Variants in EYS observed in about 807,000 individuals in gnomAD.
EYS encodes protein eyes shut homolog.
A neutral mutation model predicts 282.1 loss-of-function variants in EYS; 250 were observed. The observed-to-expected ratio is 0.89, with a 90% CI of 0.80 to 0.98. The LOEUF is 0.98. Among genes scored for constraint, EYS ranks in the 50% least tolerant of loss-of-function variants. EYS has a pLI of 0.00. For synonymous variants in EYS, 1,355 were observed against 1,282.9 expected (o/e 1.06, Z -1.20); for missense variants, 4,016 against 3,709.0 (o/e 1.08, Z -2.15).
At chr6:65,463,986 A>G (rs1764907369) in intron 5 of EYS, among the ~76,000 whole-genome samples, 1 of 152,170 alleles carries the variant, frequency 6.6e-6, no homozygotes, top group Admixed American at 6.6e-5. Flanking sequence ...AATTTCATAC[A>G]AATGTATGAT....
chr6:65,632,747 G>A (rs565297642), intron 2 of EYS, among the ~76,000 whole-genome samples: 1 of 152,188 alleles, frequency 6.6e-6, no homozygotes, highest in East Asian at 1.9e-4. Context: ...ATACCACTAG[G>A]TAAGTTATAT....
At chr6:65,419,803 G>A (rs960961780) in intron 5 of EYS, among the ~76,000 whole-genome samples, 2 of 151,894 alleles carry the variant, frequency 1.3e-5, no homozygotes, top group South Asian at 2.1e-4. Flanking sequence ...AGCTATTGCA[G>A]GTAGGTTTCC....
intron 16 of EYS, among the ~76,000 whole-genome samples, chr6:64,905,417 C>T (rs1014649389): frequency 2.0e-5 from 3 of 152,142 alleles, no homozygotes; most frequent in African/African-American, 7.2e-5. Context: ...ATTCGGTTGG[C>T]CGTACTTTGT....
At chr6:64,798,104 T>G (rs1055275041) in intron 22 of EYS, among the ~76,000 whole-genome samples, 3 of 152,018 alleles carry the variant, frequency 2.0e-5, no homozygotes, top group Middle Eastern at 6.8e-3. Context: ...AGCAGATCAC[T>G]TTTTTTCTAA....
chr6:64,196,047 GA>G (rs542395022), intron 31 of EYS, among the ~76,000 whole-genome samples: 4 of 151,908 alleles, frequency 2.6e-5, no homozygotes, highest in Admixed American at 2.6e-4. Flanking sequence ...AAATTTACAA[GA>G]AAAAAACAAA....
At position 65,515,197 on chromosome 6, in the gene EYS, C is replaced by T. The variant is rs1339866271; in HGVS notation, c.-332-19204G>A. Among the ~76,000 whole-genome samples the T allele has an allele frequency of 2.6e-5, 4 of 151,488 alleles. No homozygotes were observed. In the East Asian group the frequency reaches 7.8e-4, roughly 29 times the overall value. On this transcript the variant is annotated intron_variant, in intron 2 of 42. Coordinates refer to ENST00000503581, the MANE Select transcript of EYS (RefSeq NM_001142800.2). Reference sequence around the variant, plus strand: ...CAAAAAACACATGAAAAAATGCTCACCATCACTGGCCATCAGAGAAATGCA... The same window carrying T: ...CAAAAAACACATGAAAAAATGCTCATCATCACTGGCCATCAGAGAAATGCA...
intron 7 of EYS, among the ~76,000 whole-genome samples, chr6:65,392,193 C>T (rs1442893927): frequency 1.3e-5 from 2 of 151,572 alleles, no homozygotes; most frequent in South Asian, 2.1e-4. Flanking sequence ...AAGACTTAAA[C>T]GTTAGACCTA....
intron 35 of EYS, among the ~76,000 whole-genome samples, chr6:63,922,224 A>G (rs1047326772): frequency 6.6e-6 from 1 of 152,230 alleles, no homozygotes; most frequent in Non-Finnish European, 1.5e-5. Context: ...CAAGCTGGCT[A>G]ATACATTTAG....
At chr6:63,747,832 C>T (rs1394863920) in intron 41 of EYS, among the ~76,000 whole-genome samples, 1 of 152,092 alleles carries the variant, frequency 6.6e-6, no homozygotes, top group Non-Finnish European at 1.5e-5. Context: ...TATTTTGAGC[C>T]TATGTGTGTC....
chr6:64,251,809 A>T (rs1452575371), intron 30 of EYS, among the ~76,000 whole-genome samples: 1 of 152,158 alleles, frequency 6.6e-6, no homozygotes, highest in Admixed American at 6.5e-5. Context: ...GGTTAATGAG[A>T]CCCACAGACA....
chr6:65,689,460 C>A (rs895714909), intron 1 of EYS, among the ~76,000 whole-genome samples: 10 of 149,212 alleles, frequency 6.7e-5, no homozygotes, highest in African/African-American at 1.9e-4. Context: ...ACCAACATGG[C>A]ACATGTATAC....
chr6:64,152,414 G>A (rs1774774044), intron 31 of EYS, among the ~76,000 whole-genome samples: 1 of 152,174 alleles, frequency 6.6e-6, no homozygotes, highest in Non-Finnish European at 1.5e-5. Context: ...ATTTTAAAAT[G>A]TGGTTGCATC....
At chr6:63,996,418 A>G (rs181836796) in intron 34 of EYS, among the ~76,000 whole-genome samples, 1 of 152,268 alleles carries the variant, frequency 6.6e-6, no homozygotes, top group African/African-American at 2.4e-5. Context: ...AGTAATTAGC[A>G]ATAATGTGTA....
intron 26 of EYS, among the ~76,000 whole-genome samples, chr6:64,445,203 A>G (rs560079745): frequency 9.2e-5 from 14 of 152,346 alleles, no homozygotes; most frequent in Admixed American, 7.2e-4. Context: ...ATTTAAATAT[A>G]TAAGTACAGA....
rs532937486 is a variant in EYS, at chr6:64,275,220, A to G, written c.6191+31750T>C. 3.9e-5 allele frequency among the ~76,000 whole-genome samples: 6 copies of G among 152,308 alleles called. No individual in the cohort carries two copies. In the East Asian group the frequency reaches 7.7e-4, roughly 20 times the overall value. ...ATTAAATCTGCATATATTCTTTGAAATAAGTTTGCGATTGGTGCTAACCCG... is the reference window on the plus strand; with the variant it reads ...ATTAAATCTGCATATATTCTTTGAAGTAAGTTTGCGATTGGTGCTAACCCG... On this transcript the variant is annotated intron_variant, in intron 30 of 42. Transcript: ENST00000503581.
chr6:63,964,312 G>C (rs1208549506), intron 35 of EYS, among the ~76,000 whole-genome samples: 1 of 152,118 alleles, frequency 6.6e-6, no homozygotes, highest in African/African-American at 2.4e-5. Flanking sequence ...AGATCTTAAA[G>C]CCTACTGTTA....
chr6:65,208,673 A>G (rs1446421063), intron 12 of EYS, among the ~76,000 whole-genome samples: 1 of 151,902 alleles, frequency 6.6e-6, no homozygotes, highest in East Asian at 1.9e-4. Flanking sequence ...GCTGGAGGCC[A>G]TTATCCTAAA....
intron 5 of EYS, among the ~76,000 whole-genome samples, chr6:65,463,763 GA>G (rs1764900054): frequency 1.3e-5 from 2 of 152,022 alleles, no homozygotes; most frequent in African/African-American, 4.8e-5. Flanking sequence ...TGAACATTGA[GA>G]TATACTTCAA....
At chr6:65,594,981 TGG>T in intron 2 of EYS, among the ~76,000 whole-genome samples, 1 of 152,192 alleles carries the variant, frequency 6.6e-6, no homozygotes, top group Admixed American at 6.6e-5. Flanking sequence ...TGTAGATGTG[TGG>T]TATTATTTCT....
Sources: allele counts gnomAD v4.1 joint callset (sites outside exome capture counted in the v4.1 genomes callset), GRCh38; gene constraint gnomAD v4.1.1; transcripts MANE v1.5; gene names NCBI Gene and HGNC (gene_info 2026-07-23, HGNC 2026-07-21).